The following GAPDHS variants were observed in gnomAD, a reference collection of about 807,000 sequenced individuals.
GAPDHS encodes glyceraldehyde-3-phosphate dehydrogenase, testis-specific.
Under a neutral mutation model 48.7 loss-of-function variants are expected in GAPDHS, and 42 were observed. That is an observed-to-expected ratio of 0.86 (90% CI 0.67 to 1.12). The LOEUF (loss-of-function observed/expected upper bound fraction) is 1.12, where lower values mean the gene tolerates loss of function less well. Among genes scored for constraint, GAPDHS ranks in the 50% most tolerant of loss-of-function variants. The probability of loss-of-function intolerance (pLI) is 0.00; values close to 1 mark genes in which losing one functional copy is unlikely to be tolerated. For synonymous variants in GAPDHS, 166 were observed against 219.1 expected (o/e 0.76, Z 2.14); for missense variants, 512 against 557.7 (o/e 0.92, Z 0.82).
chr19:35,544,541 A>T (rs919856761), intron 9 of GAPDHS: 20 of 254,934 alleles, frequency 7.8e-5, no homozygotes, highest in Non-Finnish European at 2.3e-5. Flanking sequence ...CTTCTACCTC[A>T]GACACTGTGC....
At chr19:35,539,298 T>C (rs976728053) in intron 4 of GAPDHS, among the ~76,000 whole-genome samples, 1 of 152,150 alleles carries the variant, frequency 6.6e-6, no homozygotes, top group Non-Finnish European at 1.5e-5. Context: ...CATTGACCAC[T>C]GCTGGTCAAC....
chr19:35,537,525 G>A (rs1436353988), intron 2 of GAPDHS, among the ~76,000 whole-genome samples: 5 of 152,194 alleles, frequency 3.3e-5, no homozygotes, highest in African/African-American at 1.2e-4. Flanking sequence ...AGTAAGGAGT[G>A]TGGATCTTGT....
intron 7 of GAPDHS, 153 bp downstream of exon 7, chr19:35,543,179 C>A: frequency 9.7e-7 from 1 of 1,029,566 alleles, no homozygotes; most frequent in Non-Finnish European, 1.5e-6. Flanking sequence ...CTGTGCAACC[C>A]TCAGGCAAGG....
chr19:35,543,212 C>A (rs1367004629), intron 7 of GAPDHS, 128 bp from the exon 8 acceptor site: 1 of 1,167,430 alleles, frequency 8.6e-7, no homozygotes, highest in Non-Finnish European at 1.3e-6. Flanking sequence ...CTGCACACAT[C>A]CCCTCCTGTG....
At chr19:35,537,076 C>T in intron 2 of GAPDHS, 86 bp downstream of exon 2, 2 of 1,146,856 alleles carry the variant, frequency 1.7e-6, no homozygotes, top group Non-Finnish European at 2.5e-6. Flanking sequence ...CTCCACATTT[C>T]CCCCCATCAA....
intron 4 of GAPDHS, among the ~76,000 whole-genome samples, chr19:35,539,947 C>T (rs1188004156): frequency 6.6e-6 from 1 of 152,234 alleles, no homozygotes; most frequent in Non-Finnish European, 1.5e-5. Flanking sequence ...TCTCTGGTCA[C>T]TTGTGCAATG....
In GAPDHS at chr19:35,542,524, T is replaced by C. The variant is rs987416216; in HGVS notation, c.575T>C (p.Ile192Thr). The C allele has an allele frequency of 6.2e-7, 1 of 1,613,998 alleles. No homozygotes were observed. The highest frequency in any genetic ancestry group is 1.7e-5 in the Admixed American group (1 of 60,006). ...TCTGCAGGTGCTCAACGTGTGGTCA[T>C]CTCCGCGCCCTCACCGGATGCACCA... ...HISAGAQRVV[I>T]SAPSPDAPMF... is the part of the protein sequence containing the mutation. Residue 192 changes from isoleucine to threonine, a missense_variant, in exon 6 of 11, where the codon ATC becomes ACC. Transcript: ENST00000222286.
rs753380319 is a variant in GAPDHS at position 35,544,973 on chromosome 19, C to A, written c.1121C>A (p.Ala374Glu). The A allele has an allele frequency of 1.2e-6, 2 of 1,613,424 alleles. No individual in the cohort carries two copies. The highest frequency in any genetic ancestry group is 1.7e-6 in the Non-Finnish European group (2 of 1,179,362). The change falls in exon 10 of 11, where the codon GCG (alanine) becomes GAG (glutamate). Residue 374 changes from alanine (A) to glutamate (E), a missense_variant. By Grantham distance (107) the Ala-to-Glu change is moderately radical (BLOSUM62 -1). Transcript: ENST00000222286. ...ATCTTCGATGCTAAGGCCGGCATTG[C>A]GCTCAATGACAATTTCGTGAAGCTC... ...SSIFDAKAGIALNDNFVKLIS... is the reference protein window; with the variant it reads ...SSIFDAKAGIELNDNFVKLIS...
At chr19:35,535,187 TC>T (rs2071457370) in intron 1 of GAPDHS, among the ~76,000 whole-genome samples, 1 of 152,114 alleles carries the variant, frequency 6.6e-6, no homozygotes, top group Non-Finnish European at 1.5e-5. Flanking sequence ...TCTCCACTTC[TC>T]CCCTCTTCTC....
At chr19:35,541,981 CG>C in intron 4 of GAPDHS, 1 of 317,852 alleles carries the variant, frequency 3.1e-6, no homozygotes, top group Non-Finnish European at 6.1e-6. Context: ...GTCCACGTCC[CG>C]GGCAGCATAT....
chr19:35,536,098 G>A (rs185306461), intron 1 of GAPDHS, among the ~76,000 whole-genome samples: 1 of 152,154 alleles, frequency 6.6e-6, no homozygotes, highest in East Asian at 1.9e-4. Flanking sequence ...TCAATTATTG[G>A]ACAAATTCGG....
At chr19:35,537,453 C>A (rs1399652409) in intron 2 of GAPDHS, among the ~76,000 whole-genome samples, 2 of 152,120 alleles carry the variant, frequency 1.3e-5, no homozygotes, top group Non-Finnish European at 2.9e-5. Context: ...TGGCTGGTGT[C>A]CACCAAGCAA....
chr19:35,537,740 T>C (rs528905455), intron 2 of GAPDHS, among the ~76,000 whole-genome samples: 2 of 152,114 alleles, frequency 1.3e-5, no homozygotes. Context: ...TTTAATTGTT[T>C]AATGAAAAAA....
intron 9 of GAPDHS, chr19:35,544,107 C>T (rs1472365486): frequency 2.6e-6 from 1 of 384,050 alleles, no homozygotes; most frequent in East Asian, 4.9e-5. Flanking sequence ...GGCCATATTC[C>T]TCACCTGAAA....
chr19:35,542,086 C>T (rs954873241), intron 4 of GAPDHS: 2 of 555,700 alleles, frequency 3.6e-6, no homozygotes, highest in Non-Finnish European at 6.5e-6. Flanking sequence ...TGTACCCAGG[C>T]ATAACAGGGG....
At chr19:35,543,948 C>T in intron 9 of GAPDHS, 121 bp downstream of exon 9, 2 of 1,430,908 alleles carry the variant, frequency 1.4e-6, no homozygotes, top group South Asian at 3.0e-5. Context: ...AGGGAGATCT[C>T]CCTGCCTCAG....
rs548451636 is a variant in GAPDHS, at chr19:35,536,507, C to T, written c.68-306C>T. On this transcript the variant is annotated intron_variant, in intron 1 of 10. Transcript: ENST00000222286. Reference sequence around the variant, plus strand: ...AGGAGAATCACTTGAACCCAGGAGGCGGAGGTTGCAGTAAGCCAAGATCAG... The same window carrying T: ...AGGAGAATCACTTGAACCCAGGAGGTGGAGGTTGCAGTAAGCCAAGATCAG... Among the ~76,000 whole-genome samples the T allele has an allele frequency of 5.3e-5, 8 of 151,456 alleles. No individual in the cohort carries two copies. The East Asian group carries it at 5.9e-4, about 11-fold the overall frequency.
At position 35,536,880 on chromosome 19, in the gene GAPDHS, A is replaced by G; in HGVS notation, c.135A>G (p.Thr45=). The part of the protein sequence containing the change: ...EVEPQPQPEP[T]PVREEIKPPP... ...AGCCCCAGCCACAACCAGAGCCCAC[A>G]CCAGTCAGGGAGGAAATAAAGCCAC... Residue 45 remains threonine, a synonymous_variant, in exon 2 of 11, where the codon ACA becomes ACG. Transcript: ENST00000222286. The G allele has an allele frequency of 1.9e-6, 3 of 1,613,942 alleles. No homozygotes were observed. Among genetic ancestry groups the G allele is most frequent in the Non-Finnish European group, 1.7e-6 (2 of 1,179,940 alleles).
chr19:35,538,990 C>T (rs1033852431), intron 4 of GAPDHS, among the ~76,000 whole-genome samples: 7 of 152,014 alleles, frequency 4.6e-5, no homozygotes, highest in African/African-American at 1.7e-4. Context: ...CATAGCTCAC[C>T]GCATCCTTGA....
Sources: gnomAD v4.1 joint callset for allele counts (sites outside exome capture counted in the v4.1 genomes callset) on GRCh38, gnomAD v4.1.1 for gene constraint, MANE v1.5 for transcripts, NCBI Gene and HGNC (gene_info 2026-07-23, HGNC 2026-07-21) for gene names.